The following SFR1 variants were observed in gnomAD, a reference collection of about 807,000 sequenced individuals.
The protein encoded by SFR1 is SWI5 dependent homologous recombination repair protein 1.
A neutral mutation model predicts 26.2 loss-of-function variants in SFR1; 24 were observed. That is an observed-to-expected ratio of 0.92 (90% CI 0.66 to 1.29). The LOEUF is 1.29. SFR1 is among the 50% of genes most tolerant of loss of function. The pLI is 0.00. For missense variants in SFR1, 276 were observed against 270.2 expected, an observed-to-expected ratio of 1.02 and a Z score of -0.15; for synonymous variants, 77 against 96.6, an observed-to-expected ratio of 0.80 and a Z score of 1.19.
intron 1 of SFR1, 129 bp downstream of exon 1, chr10:104,122,325 GAACTAGT>G (rs1333313696): frequency 7.1e-7 from 1 of 1,398,696 alleles, no homozygotes; most frequent in East Asian, 2.9e-5. Flanking sequence ...GGTCTCCGGG[GAACTAGT>G]GGGCTTTCTG....
At chr10:104,125,417 A>T in intron 3 of SFR1, 96 bp from the exon 4 acceptor site, 1 of 895,736 alleles carries the variant, frequency 1.1e-6, no homozygotes, top group Non-Finnish European at 1.7e-6. Flanking sequence ...TGTGTATGTT[A>T]GCCTTTAAAC....
chr10:104,124,091 G>A lies in SFR1; in HGVS notation c.513G>A (p.Arg171=). The A allele has an allele frequency of 6.2e-7, 1 of 1,612,770 alleles. No homozygotes were observed. Among genetic ancestry groups the A allele is most frequent in the Non-Finnish European group, 8.5e-7 (1 of 1,179,574 alleles). The change falls in exon 3 of 4, where the codon CGG becomes CGA. Residue 171 remains arginine, a synonymous_variant. Coordinates refer to ENST00000369727, the MANE Select transcript of SFR1 (RefSeq NM_001002759.2). The part of the protein sequence containing the change: ...KQVQEKEDLL[R]RLKLVKMYRS... ...TTCAGGAGAAAGAAGACCTTCTTCG[G>A]AGGCTAAAACTAGTCAAAATGTATA...
chr10:104,122,616 G>T (rs988106250), intron 1 of SFR1: 27 of 1,307,832 alleles, frequency 2.1e-5, no homozygotes, highest in African/African-American at 4.5e-5. Flanking sequence ...ATAGCTTCTT[G>T]AATTATGAAG....
rs2087018205 is a variant in SFR1, at chr10:104,125,624, A to C, written c.658A>C (p.Thr220Pro). 1 of 1,613,172 alleles carries C rather than the reference A, an allele frequency of 6.2e-7. No homozygotes were observed. ...TGAAGAGAACAAGAAACTAAGCCTTACTCAATTGATAGACCACTATGGGTT... is the reference window on the plus strand; with the variant it reads ...TGAAGAGAACAAGAAACTAAGCCTTCCTCAATTGATAGACCACTATGGGTT... The part of the protein sequence containing the change: ...VSEENKKLSL[T>P]QLIDHYGLDD... Residue 220 changes from threonine to proline, a missense_variant, in exon 4 of 4, where the codon ACT becomes CCT. Physicochemically the swap from Thr to Pro is conservative, Grantham distance 38. Coordinates refer to ENST00000369727, the MANE Select transcript of SFR1 (RefSeq NM_001002759.2).
At chr10:104,122,378 GT>G in intron 1 of SFR1, 182 bp downstream of exon 1, 1 of 985,370 alleles carries the variant, frequency 1.0e-6, no homozygotes, top group Non-Finnish European at 1.2e-6. Context: ...CCCGCCCCTA[GT>G]TTACCCCTCA....
rs570482437 is a variant in SFR1, at chr10:104,124,767, A to C, written c.546+643A>C. ...GAGTTTTTAAAAAATAAAATTTAGG[A>C]GTATTGAATGTTGAAAAAATATATT... On this transcript the variant is annotated intron_variant, in intron 3 of 3. Transcript: ENST00000369727. Among the ~76,000 whole-genome samples, 16 of 152,088 alleles carry C rather than the reference A, an allele frequency of 1.1e-4. No homozygotes were observed. In the South Asian group the frequency reaches 3.1e-3, roughly 30 times the overall value.
At chr10:104,122,755 G>A (rs1484021793) in intron 1 of SFR1, 1 of 1,475,626 alleles carries the variant, frequency 6.8e-7, no homozygotes, top group Non-Finnish European at 8.9e-7. Flanking sequence ...ATACTAGCTG[G>A]TTGATGTATC....
At chr10:104,124,509 C>A (rs2087004681) in intron 3 of SFR1, among the ~76,000 whole-genome samples, 2 of 150,902 alleles carry the variant, frequency 1.3e-5, no homozygotes, top group Admixed American at 1.3e-4. Context: ...GATCTTGTGT[C>A]TCCCCCAAAT....
Position 104,123,864 on chromosome 10 carries a change from T to G in SFR1, c.286T>G (p.Leu96Val). 1 of 1,613,122 alleles carries G rather than the reference T, an allele frequency of 6.2e-7. No individual in the cohort carries two copies. Among genetic ancestry groups the G allele is most frequent in the Non-Finnish European group, 8.5e-7 (1 of 1,179,886 alleles). ...KPASSTEENC[L>V]EFQESFKHID... ...AGCATCTTCCACAGAGGAAAACTGT[T>G]TGGAATTTCAAGAAAGTTTTAAACA... is the stretch of plus-strand genomic sequence containing the variant. Residue 96 changes from leucine (L) to valine (V), a missense_variant, in exon 3 of 4, where the codon TTG becomes GTG. Transcript: ENST00000369727.
chr10:104,122,541 A>T (rs1008451492), intron 1 of SFR1: 2 of 985,226 alleles, frequency 2.0e-6, no homozygotes, highest in Non-Finnish European at 2.4e-6. Flanking sequence ...GGTTCTAGTC[A>T]CAGCTTGTAG....
At chr10:104,123,458 C>CA in intron 2 of SFR1, 2 of 398,764 alleles carry the variant, frequency 5.0e-6, no homozygotes, top group South Asian at 9.5e-5. Context: ...TGTTACTGAA[C>CA]AAATGTTCCT....
rs2086983209 is a variant in SFR1 at position 104,122,972 on chromosome 10, C to T, written c.21C>T (p.Asn7=). MAEGEK[N]QDFTFKMESP... ...ATAATTTTTCTTTTTTAGAGAAAAA[C>T]CAAGATTTCACTTTCAAGATGGAAA... The change falls in exon 2 of 4, where the codon AAC becomes AAT. Residue 7 remains asparagine, a synonymous_variant. Coordinates refer to ENST00000369727, the MANE Select transcript of SFR1 (RefSeq NM_001002759.2). The T allele has an allele frequency of 6.2e-7, 1 of 1,612,992 alleles. No homozygotes were observed. Among genetic ancestry groups the T allele is most frequent in the Non-Finnish European group, 8.5e-7 (1 of 1,179,368 alleles).
chr10:104,124,213 C>A, intron 3 of SFR1, 89 bp downstream of exon 3: 1 of 1,207,054 alleles, frequency 8.3e-7, no homozygotes. Flanking sequence ...TTTTTTTTAC[C>A]ATAATAAGCA....
chr10:104,125,707 C>G lies in SFR1; in HGVS notation c.*3C>G, dbSNP rs762987254. ...AAGAAGAATTTATAGATGTTTAATT[C>G]CTGATTTTTGCTCCAGAATATCTTT... is the stretch of plus-strand genomic sequence containing the variant. On this transcript the variant is annotated 3_prime_UTR_variant, in exon 4 of 4. Transcript: ENST00000369727. The G allele has an allele frequency of 6.4e-7, 1 of 1,554,680 alleles. No individual in the cohort carries two copies.
At chr10:104,120,835 G>A (rs2086953626), upstream of SFR1, among the ~76,000 whole-genome samples, 1 of 152,138 alleles carries the variant, frequency 6.6e-6, no homozygotes, top group African/African-American at 2.4e-5. Context: ...CTCAGGTTCT[G>A]TAATTATTAT....
chr10:104,125,720 C>A lies in SFR1; in HGVS notation c.*16C>A. The A allele has an allele frequency of 1.3e-6, 2 of 1,526,650 alleles. No homozygotes were observed. Among genetic ancestry groups the A allele is most frequent in the South Asian group, 1.2e-5 (1 of 83,946 alleles). 94.6% of individuals were successfully genotyped at this position (1,526,650 alleles called of 1,614,324 possible). On this transcript the variant is annotated 3_prime_UTR_variant, in exon 4 of 4. Coordinates refer to ENST00000369727, the MANE Select transcript of SFR1 (RefSeq NM_001002759.2). ...AGATGTTTAATTCCTGATTTTTGCT[C>A]CAGAATATCTTTGAGAATGACAACT...
chr10:104,121,924 CG>C (rs1229733740), upstream of SFR1: 4 of 409,678 alleles, frequency 9.8e-6, no homozygotes, highest in Non-Finnish European at 8.8e-6. Flanking sequence ...GGGCGCTGGG[CG>C]GGGAGAGCCG....
At chr10:104,122,008 C>T (rs1030754493), upstream of SFR1, 7 of 661,574 alleles carry the variant, frequency 1.1e-5, no homozygotes, top group Non-Finnish European at 1.8e-5. Flanking sequence ...CCCCAACCAC[C>T]CGCTGGCGGA....
chr10:104,121,066 C>T (rs1429713224), upstream of SFR1, among the ~76,000 whole-genome samples: 1 of 151,292 alleles, frequency 6.6e-6, no homozygotes, highest in Non-Finnish European at 1.5e-5. Flanking sequence ...CTAACTTTGT[C>T]GTCGCGTAGC....
Sources: allele counts gnomAD v4.1 joint callset (sites outside exome capture counted in the v4.1 genomes callset), GRCh38; gene constraint gnomAD v4.1.1; transcripts MANE v1.5; gene names NCBI Gene and HGNC (gene_info 2026-07-23, HGNC 2026-07-21).